The following FAM98C variants were observed in gnomAD, a reference collection of about 807,000 sequenced individuals.
FAM98C encodes tRNA splicing ligase complex subunit 3C.
FAM98C carries 38 observed loss-of-function variants against 41.1 expected under a neutral mutation model. That is an observed-to-expected ratio of 0.92 (90% CI 0.71 to 1.21). The LOEUF is 1.21. Ranked by LOEUF, FAM98C falls within the 50% of genes most tolerant of loss-of-function variation. The pLI is 0.00. For synonymous variants in FAM98C, 195 were observed against 216.7 expected, an observed-to-expected ratio of 0.90 and a Z score of 0.88; for missense variants, 493 against 484.7, an observed-to-expected ratio of 1.02 and a Z score of -0.16.
At chr19:38,405,757 T>A in intron 6 of FAM98C, 122 bp downstream of exon 6, 1 of 926,700 alleles carries the variant, frequency 1.1e-6, no homozygotes, top group Non-Finnish European at 1.7e-6. Flanking sequence ...CATGGACATT[T>A]TATAATTTTT....
chr19:38,406,737 A>G, intron 6 of FAM98C, 173 bp from the exon 7 acceptor site: 1 of 648,480 alleles, frequency 1.5e-6, no homozygotes. Flanking sequence ...GTGAGCCACC[A>G]TCACGCCACC....
At chr19:38,407,177 C>T in intron 7 of FAM98C, 100 bp downstream of exon 7, 4 of 1,396,450 alleles carry the variant, frequency 2.9e-6, no homozygotes, top group Non-Finnish European at 4.0e-6. Flanking sequence ...CACCTCTAAT[C>T]CACCCACTAG....
Position 38,406,565 on chromosome 19 carries a change from C to T in FAM98C, c.751-345C>T, listed in dbSNP as rs115744692. ...CCAAGGCAAGAGGATCACTTGAGCT[C>T]AGAAGTTTGAGACCACCTTGGGCAA... On this transcript the variant is annotated intron_variant, in intron 6 of 7. Coordinates refer to ENST00000252530, the MANE Select transcript of FAM98C (RefSeq NM_174905.4). The T allele has an allele frequency of 5.3e-3, 1,064 of 199,432 alleles. 18 individuals are homozygous for T. The highest frequency in any genetic ancestry group is 0.023 in the African/African-American group (1,007 of 43,344). The allele number at this position is 199,432 out of a possible 1,614,324, so 12.4% of individuals were successfully genotyped here.
At chr19:38,405,848 C>A in intron 6 of FAM98C, 1 of 544,940 alleles carries the variant, frequency 1.8e-6, no homozygotes, top group East Asian at 3.0e-5. Flanking sequence ...TATTCAGAGG[C>A]ATACCCCATC....
At position 38,408,765 on chromosome 19, in the gene FAM98C, C is replaced by G. The variant is rs745545912; in HGVS notation, c.933C>G (p.Asn311Lys). The change falls in exon 8 of 8, where the codon AAC (asparagine) becomes AAG (lysine). Residue 311 changes from asparagine (N) to lysine (K), a missense_variant. Asn to Lys is a moderately conservative substitution (Grantham distance 94, BLOSUM62 0). Transcript: ENST00000252530. ...CCAINKVLMG[N>K]VPDRGGRPNE... ...TAAACTCTCAGGTGCTTATGGGCAA[C>G]GTTCCAGACCGGGGGGGCCGCCCAA... 25 of 1,613,938 alleles carry G rather than the reference C, an allele frequency of 1.5e-5. No homozygotes were observed. In the Admixed American group the frequency reaches 4.2e-4, roughly 27 times the overall value.
chr19:38,403,776 C>G, intron 3 of FAM98C, 82 bp downstream of exon 3: 1 of 1,341,062 alleles, frequency 7.5e-7, no homozygotes, highest in South Asian at 1.9e-5. Flanking sequence ...TCGAGGTTCC[C>G]AAGGGGTGTG....
chr19:38,404,118 CT>C (rs1971005956), intron 3 of FAM98C, among the ~76,000 whole-genome samples: 2 of 152,144 alleles, frequency 1.3e-5, no homozygotes, highest in Admixed American at 1.3e-4. Context: ...TCTCGAACTC[CT>C]GACCCCAGGT....
At chr19:38,408,713 C>T (rs766483250) in intron 7 of FAM98C, 38 bp from the exon 8 acceptor site, 81 of 1,613,928 alleles carry the variant, frequency 5.0e-5, no homozygotes, top group Admixed American at 8.3e-5. Flanking sequence ...GTCCAAGATA[C>T]TTTTTTTCTC....
rs770193936 is a variant in FAM98C at position 38,408,922 on chromosome 19, A to G, written c.*40A>G. On this transcript the variant is annotated 3_prime_UTR_variant, in exon 8 of 8. Coordinates refer to ENST00000252530, the MANE Select transcript of FAM98C (RefSeq NM_174905.4). ...TCGGGGGCGGGGGGTCCTCCATGAG[A>G]TGCTAATGCTATCGGTAATCTCTGG... 6.5e-7 allele frequency: 1 copy of G among 1,529,568 alleles called. No homozygotes were observed. The highest frequency in any genetic ancestry group is 8.7e-7 in the Non-Finnish European group (1 of 1,143,666). 94.7% of individuals were successfully genotyped at this position (1,529,568 alleles called of 1,614,324 possible). A position where few individuals can be genotyped will look rare whatever the true frequency, so the allele number is the denominator to read the frequency against.
rs1971052996 is a variant in FAM98C, at chr19:38,407,199, A to G, written c.918+122A>G. 3 of 1,184,292 alleles carry G rather than the reference A, an allele frequency of 2.5e-6. No homozygotes were observed. In the African/African-American group the frequency reaches 4.5e-5, roughly 18 times the overall value. The allele number at this position is 1,184,292 out of a possible 1,614,324, so 73.4% of individuals were successfully genotyped here. A position where few individuals can be genotyped will look rare whatever the true frequency, so the allele number is the denominator to read the frequency against. ...AATCCACCCACTAGACATGGCAGCT[A>G]GAAGGACCTCGCTCACACAAAAACT... is the stretch of plus-strand genomic sequence containing the variant. On this transcript the variant is annotated intron_variant, in intron 7 of 7. Coordinates refer to ENST00000252530, the MANE Select transcript of FAM98C (RefSeq NM_174905.4).
In FAM98C at chr19:38,405,108, G is replaced by T; in HGVS notation, c.550G>T (p.Ala184Ser). The T allele has an allele frequency of 1.2e-6, 2 of 1,609,832 alleles. No individual in the cohort carries two copies. Among genetic ancestry groups the T allele is most frequent in the Non-Finnish European group, 1.7e-6 (2 of 1,177,172 alleles). The change falls in exon 4 of 8, where the codon GCT (alanine) becomes TCT (serine). Residue 184 changes from alanine to serine, a missense_variant. By Grantham distance (99) the Ala-to-Ser change is moderately conservative. Transcript: ENST00000252530. ...PASQLLQELH[A>S]KISELQPSLP... ...CAGCCAGCTGCTGCAGGAGTTGCAT[G>T]CTAAGGTAGAGAGTCAGAGTCCCCT... is the stretch of plus-strand genomic sequence containing the variant.
rs577807996 is a variant in FAM98C at position 38,404,210 on chromosome 19, T to C, written c.349+516T>C. On this transcript the variant is annotated intron_variant, in intron 3 of 7. Transcript: ENST00000252530. ...GCCCGGCCCGGGGTTAGAATTTTAA[T>C]TGGAGGGCCTAGGAGCTCAAGTGGG... Among the ~76,000 whole-genome samples the C allele has an allele frequency of 3.3e-5, 5 of 152,004 alleles. No homozygotes were observed. In the East Asian group the frequency reaches 5.8e-4, roughly 18 times the overall value.
Position 38,404,970 on chromosome 19 carries a change from A to T in FAM98C, c.412A>T (p.Ser138Cys). 6.2e-7 allele frequency: 1 copy of T among 1,614,092 alleles called. No individual in the cohort carries two copies. Among genetic ancestry groups the T allele is most frequent in the Non-Finnish European group, 8.5e-7 (1 of 1,180,008 alleles). Residue 138 changes from serine to cysteine, a missense_variant, in exon 4 of 8, where the codon AGT becomes TGT. By Grantham distance (112) the Ser-to-Cys change is moderately radical. Coordinates refer to ENST00000252530, the MANE Select transcript of FAM98C (RefSeq NM_174905.4). ...LLCLRSLLDP[S>C]PRPPLGEGVV... The stretch of plus-strand genomic sequence containing the variant: ...GTGCCTCCGCTCTCTGCTGGATCCG[A>T]GTCCTAGGCCACCCCTTGGTGAAGG...
At chr19:38,406,656 T>C in intron 6 of FAM98C, 1 of 408,084 alleles carries the variant, frequency 2.5e-6, no homozygotes, top group East Asian at 3.7e-5. Context: ...TGGTGGCGCA[T>C]GCTTGTCCAT....
intron 6 of FAM98C, chr19:38,406,254 T>C (rs111386553): frequency 0.083 from 12,580 of 151,710 alleles, 729 homozygotes; most frequent in East Asian, 0.29. Flanking sequence ...CTCCGCCTCC[T>C]GGGTTCAAGT....
At position 38,403,100 on chromosome 19, in the gene FAM98C, T is replaced by C; in HGVS notation, c.-54T>C. On this transcript the variant is annotated 5_prime_UTR_variant, in exon 1 of 8. Transcript: ENST00000252530. ...GCGGGGAGCTCGTGCGCGCGGCGCTTTTGGGGCGGAGCCTGCCACCGGCCG... is the reference window on the plus strand; with the variant it reads ...GCGGGGAGCTCGTGCGCGCGGCGCTCTTGGGGCGGAGCCTGCCACCGGCCG... 6.8e-7 allele frequency: 1 copy of C among 1,469,538 alleles called. No individual in the cohort carries two copies. Among genetic ancestry groups the C allele is most frequent in the South Asian group, 1.3e-5 (1 of 74,362 alleles). 91.0% of individuals were successfully genotyped at this position (1,469,538 alleles called of 1,614,324 possible).
In FAM98C at chr19:38,408,991, C is replaced by G; in HGVS notation, c.*109C>G. ...TCCTTGGTATTTGGCACCCAAGCCC[C>G]CCATCTCCTATTCCTGAGTCCCCAA... On this transcript the variant is annotated 3_prime_UTR_variant, in exon 8 of 8. Coordinates refer to ENST00000252530, the MANE Select transcript of FAM98C (RefSeq NM_174905.4). 1 of 1,243,922 alleles carries G rather than the reference C, an allele frequency of 8.0e-7. No homozygotes were observed. Among genetic ancestry groups the G allele is most frequent in the African/African-American group, 1.5e-5 (1 of 64,794 alleles). 77.1% of individuals were successfully genotyped at this position (1,243,922 alleles called of 1,614,324 possible). A position where few individuals can be genotyped will look rare whatever the true frequency, so the allele number is the denominator to read the frequency against.
intron 7 of FAM98C, 93 bp downstream of exon 7, chr19:38,407,170 C>T (rs939668852): frequency 4.2e-6 from 6 of 1,434,246 alleles, no homozygotes; most frequent in Non-Finnish European, 5.7e-6. Context: ...GACTTACCAC[C>T]TCTAATCCAC....
In FAM98C at chr19:38,403,468, G is replaced by T. The variant is rs1318028433; in HGVS notation, c.196G>T (p.Val66Leu). Residue 66 changes from valine (V) to leucine (L), a missense_variant, in exon 2 of 8, where the codon GTG becomes TTG. Val to Leu is a conservative substitution (Grantham distance 32, BLOSUM62 1). Transcript: ENST00000252530. ...LEQQREAGAE[V>L]LSAGDGPGAE... ...GCAGCAGCGAGAGGCGGGCGCGGAG[G>T]TGCTGAGCGCCGGCGACGGTAAACA... The T allele has an allele frequency of 7.1e-7, 1 of 1,406,602 alleles. No individual in the cohort carries two copies. The highest frequency in any genetic ancestry group is 9.2e-7 in the Non-Finnish European group (1 of 1,091,846). 87.1% of individuals were successfully genotyped at this position (1,406,602 alleles called of 1,614,324 possible).
Sources: allele counts gnomAD v4.1 joint callset (sites outside exome capture counted in the v4.1 genomes callset), GRCh38; gene constraint gnomAD v4.1.1; transcripts MANE v1.5; gene names NCBI Gene and HGNC (gene_info 2026-07-23, HGNC 2026-07-21).